The following SKAP1 variants were observed in gnomAD, a reference collection of about 807,000 sequenced individuals.
The protein encoded by SKAP1 is src kinase-associated phosphoprotein 1.
A neutral mutation model predicts 58.5 loss-of-function variants in SKAP1; 44 were observed. The ratio of observed to expected loss-of-function variants is 0.75; its 90% confidence interval spans 0.59 to 0.97. The LOEUF is 0.97. Ranked by LOEUF, SKAP1 falls within the 50% of genes least tolerant of loss-of-function variation. SKAP1 has a pLI of 0.00. For missense variants in SKAP1, 390 were observed against 435.2 expected, an observed-to-expected ratio of 0.90 and a Z score of 0.92; for synonymous variants, 127 against 149.7, an observed-to-expected ratio of 0.85 and a Z score of 1.11.
At chr17:48,252,247 A>G (rs185871275) in intron 4 of SKAP1, among the ~76,000 whole-genome samples, 1 of 152,192 alleles carries the variant, frequency 6.6e-6, no homozygotes, top group African/African-American at 2.4e-5. Context: ...AGAGAAACAC[A>G]AGGAGAGAGA....
chr17:48,331,482 C>G lies in SKAP1; in HGVS notation c.280+14423G>C, dbSNP rs556678014. On this transcript the variant is annotated intron_variant, in intron 4 of 12. Coordinates refer to ENST00000336915, the MANE Select transcript of SKAP1 (RefSeq NM_003726.4). ...TGGGAGGCCAAGGTGGGCGGATCAC[C>G]TGAGGTCGGGAGTTGGAGACCAGCC... Among the ~76,000 whole-genome samples, 3 of 151,910 alleles carry G rather than the reference C, an allele frequency of 2.0e-5. No individual in the cohort carries two copies. The East Asian group carries it at 5.8e-4, about 29-fold the overall frequency.
chr17:48,344,235 A>C (rs1179001590), intron 4 of SKAP1: 1 of 538,582 alleles, frequency 1.9e-6, no homozygotes, highest in African/African-American at 2.0e-5. Flanking sequence ...TTTCTATATA[A>C]AGTTTTGTTC....
At chr17:48,217,447 G>A (rs372451684) in intron 4 of SKAP1, among the ~76,000 whole-genome samples, 31 of 152,182 alleles carry the variant, frequency 2.0e-4, no homozygotes, top group African/African-American at 7.2e-4. Context: ...AGGTGTTTGA[G>A]ACCAGCCTGG....
chr17:48,319,624 C>G (rs1353347196), intron 4 of SKAP1, among the ~76,000 whole-genome samples: 1 of 152,114 alleles, frequency 6.6e-6, no homozygotes. Context: ...GTGGGTGGAT[C>G]ACTGGAGCCC....
At chr17:48,291,699 G>A (rs1175458422) in intron 4 of SKAP1, among the ~76,000 whole-genome samples, 1 of 152,072 alleles carries the variant, frequency 6.6e-6, no homozygotes, top group African/African-American at 2.4e-5. Context: ...CAATGATTCC[G>A]CTAGTCTTAT....
chr17:48,370,090 CA>C (rs1219559591), intron 2 of SKAP1, among the ~76,000 whole-genome samples: 4 of 152,158 alleles, frequency 2.6e-5, no homozygotes, highest in African/African-American at 9.7e-5. Context: ...TGCAAACACA[CA>C]GTTCTAGGTT....
At chr17:48,250,272 GTTTT>G (rs755523173) in intron 4 of SKAP1, among the ~76,000 whole-genome samples, 4 of 74,052 alleles carry the variant, frequency 5.4e-5, no homozygotes, top group Admixed American at 2.9e-4. Flanking sequence ...GCCATAGACA[GTTTT>G]TTTTTTTTTT....
intron 2 of SKAP1, among the ~76,000 whole-genome samples, chr17:48,384,540 T>C (rs1254351141): frequency 2.6e-4 from 40 of 152,190 alleles, no homozygotes; most frequent in Non-Finnish European, 1.5e-5. Flanking sequence ...ATATTTCTGC[T>C]CTAACACCTT....
chr17:48,325,785 A>C (rs552893691), intron 4 of SKAP1, among the ~76,000 whole-genome samples: 3 of 152,338 alleles, frequency 2.0e-5, no homozygotes, highest in African/African-American at 7.2e-5. Context: ...CGGGATTACC[A>C]AAGTACAATC....
At chr17:48,140,760 TTTCTTC>T (rs1324079846) in intron 11 of SKAP1, among the ~76,000 whole-genome samples, 1 of 148,526 alleles carries the variant, frequency 6.7e-6, no homozygotes, top group Non-Finnish European at 1.5e-5. Context: ...CTTCTTCTTC[TTTCTTC>T]TTCTTCTTCT....
intron 4 of SKAP1, among the ~76,000 whole-genome samples, chr17:48,282,813 CT>C (rs543713084): frequency 6.6e-6 from 1 of 150,730 alleles, no homozygotes; most frequent in Admixed American, 6.6e-5. Flanking sequence ...AGAAACTGCC[CT>C]TTTTTTTTGG....
chr17:48,150,302 A>G (rs1465783180), intron 11 of SKAP1, among the ~76,000 whole-genome samples: 1 of 152,230 alleles, frequency 6.6e-6, no homozygotes, highest in East Asian at 1.9e-4. Flanking sequence ...AGGATAAGTG[A>G]TGACAAAAAC....
intron 4 of SKAP1, among the ~76,000 whole-genome samples, chr17:48,284,013 A>G (rs2065800159): frequency 6.6e-6 from 1 of 152,144 alleles, no homozygotes; most frequent in African/African-American, 2.4e-5. Context: ...GCCCAGCCTA[A>G]ACTCAGCTCA....
chr17:48,410,238 G>A (rs35533148), intron 1 of SKAP1, among the ~76,000 whole-genome samples: 32,203 of 152,094 alleles, frequency 0.21, 3,424 homozygotes, highest in Admixed American at 0.22. Context: ...ATAGCAAGGC[G>A]AAGAGTCTAG....
intron 1 of SKAP1, among the ~76,000 whole-genome samples, chr17:48,398,659 A>G (rs1278806946): frequency 6.6e-6 from 1 of 152,070 alleles, no homozygotes. Context: ...AGCACACCTA[A>G]AAATTTGTTT....
chr17:48,143,323 G>C (rs2063791574), intron 11 of SKAP1, among the ~76,000 whole-genome samples: 1 of 150,844 alleles, frequency 6.6e-6, no homozygotes, highest in Non-Finnish European at 1.5e-5. Flanking sequence ...CTCCAGAGTA[G>C]CTGGGACCAC....
intron 3 of SKAP1, among the ~76,000 whole-genome samples, chr17:48,358,983 G>A (rs1294275652): frequency 6.6e-6 from 1 of 151,976 alleles, no homozygotes; most frequent in African/African-American, 2.4e-5. Flanking sequence ...ACATTAACTT[G>A]AACAACAATT....
rs71366849 is a variant in SKAP1, at chr17:48,213,350, CA to C, written c.281-23851del. On this transcript the variant is annotated intron_variant, in intron 4 of 12. Coordinates refer to ENST00000336915, the MANE Select transcript of SKAP1 (RefSeq NM_003726.4). ...GGGCAACAAGAGCAAAACTCTGTCT[CA>C]AAAAAAAAAAAAAAAAAAGCTGTAC... Among the ~76,000 whole-genome samples the C allele has an allele frequency of 8.3e-3, 835 of 100,998 alleles. 3 individuals carry two copies. Among genetic ancestry groups the C allele is most frequent in the Non-Finnish European group, 9.6e-3 (501 of 52,308 alleles). 66.3% of individuals were successfully genotyped at this position (100,998 alleles called of 152,430 possible).
chr17:48,314,164 A>C (rs1021527624), intron 4 of SKAP1, among the ~76,000 whole-genome samples: 4 of 152,236 alleles, frequency 2.6e-5, no homozygotes, highest in African/African-American at 4.8e-5. Context: ...AGAGTAAACA[A>C]AGAAGAAATT....
Sources: gnomAD v4.1 joint callset for allele counts (sites outside exome capture counted in the v4.1 genomes callset) on GRCh38, gnomAD v4.1.1 for gene constraint, MANE v1.5 for transcripts, NCBI Gene and HGNC (gene_info 2026-07-23, HGNC 2026-07-21) for gene names.